SLX4IP: variants seen among roughly 807,000 people sequenced by gnomAD.
The protein encoded by SLX4IP is protein SLX4IP.
SLX4IP carries 34 observed loss-of-function variants against 32.9 expected under a neutral mutation model. That is an observed-to-expected ratio of 1.03 (90% CI 0.79 to 1.38). The LOEUF (loss-of-function observed/expected upper bound fraction) is 1.38, where lower values mean the gene tolerates loss of function less well. Ranked by LOEUF, SLX4IP falls within the 40% of genes most tolerant of loss-of-function variation. The pLI is 0.00. For synonymous variants in SLX4IP, 172 were observed against 171.7 expected, an observed-to-expected ratio of 1.00 and a Z score of -0.01; for missense variants, 444 against 479.0, an observed-to-expected ratio of 0.93 and a Z score of 0.68.
chr20:10,471,546 T>A (rs2122362790), intron 2 of SLX4IP, among the ~76,000 whole-genome samples: 1 of 152,292 alleles, frequency 6.6e-6, no homozygotes, highest in East Asian at 1.9e-4. Context: ...TATTTGTTAA[T>A]CAGTTTATAC....
chr20:10,578,696 C>T (rs2066549148), intron 4 of SLX4IP, among the ~76,000 whole-genome samples: 4 of 152,194 alleles, frequency 2.6e-5, no homozygotes, highest in South Asian at 2.1e-4. Context: ...CTGTTCCTGC[C>T]AGCAGTGTAT....
At chr20:10,621,472 A>G (rs768132491) in intron 7 of SLX4IP, 58 bp downstream of exon 7, 1 of 1,469,768 alleles carries the variant, frequency 6.8e-7, no homozygotes, top group Non-Finnish European at 9.5e-7. Flanking sequence ...ATGGATAGAT[A>G]ACATGAAGTC....
intron 2 of SLX4IP, among the ~76,000 whole-genome samples, chr20:10,499,137 T>A (rs599495): frequency 0.42 from 63,388 of 151,942 alleles, 13,609 homozygotes; most frequent in Admixed American, 0.51. Context: ...ATGACAAAAA[T>A]TATGGGTCTA....
At chr20:10,475,062 T>C (rs1363563673) in intron 2 of SLX4IP, among the ~76,000 whole-genome samples, 1 of 152,216 alleles carries the variant, frequency 6.6e-6, no homozygotes, top group Non-Finnish European at 1.5e-5. Context: ...GGGAATATTA[T>C]CTGCCAAGGC....
chr20:10,576,401 G>T (rs1601022881), intron 4 of SLX4IP, among the ~76,000 whole-genome samples: 1 of 152,242 alleles, frequency 6.6e-6, no homozygotes, highest in East Asian at 1.9e-4. Flanking sequence ...ACACCTAATT[G>T]TATAGCTTGT....
chr20:10,486,572 A>G (rs1416487334), intron 2 of SLX4IP, among the ~76,000 whole-genome samples: 3 of 152,194 alleles, frequency 2.0e-5, no homozygotes, highest in African/African-American at 7.2e-5. Flanking sequence ...TACGCATGTG[A>G]ACATGCGTAT....
intron 6 of SLX4IP, chr20:10,614,132 G>A (rs942773438): frequency 2.6e-5 from 34 of 1,317,074 alleles, no homozygotes; most frequent in Non-Finnish European, 3.4e-5. Flanking sequence ...GTCGGACCTC[G>A]CCATCGGAGG....
intron 6 of SLX4IP, among the ~76,000 whole-genome samples, chr20:10,606,094 A>G (rs754164601): frequency 2.2e-4 from 33 of 152,156 alleles, no homozygotes; most frequent in South Asian, 2.1e-4. Flanking sequence ...TGGGATTTCT[A>G]TTGGAGGAAG....
chr20:10,624,962 AC>A lies in SLX4IP; in HGVS notation c.*1588del. On this transcript the variant is annotated 3_prime_UTR_variant, in exon 8 of 8. Transcript: ENST00000334534. ...CCTGTCCCATGATCCCAGCCTCACC[AC>A]CCCCACTTGAAACAGCCCTTCCTAC... 6.6e-6 allele frequency: 1 copy of A among 151,770 alleles called. No homozygotes were observed. The highest frequency in any genetic ancestry group is 1.5e-5 in the Non-Finnish European group (1 of 68,056). The allele number at this position is 151,770 out of a possible 1,614,324, so 9.4% of individuals were successfully genotyped here. A position where few individuals can be genotyped will look rare whatever the true frequency, so the allele number is the denominator to read the frequency against.
chr20:10,443,010 A>G (rs1425657209), intron 1 of SLX4IP, among the ~76,000 whole-genome samples: 2 of 152,192 alleles, frequency 1.3e-5, no homozygotes, highest in East Asian at 1.9e-4. Flanking sequence ...TCTGTTGCCC[A>G]TTATTTTCAA....
chr20:10,537,944 G>A (rs2066063197), intron 2 of SLX4IP, among the ~76,000 whole-genome samples: 1 of 152,092 alleles, frequency 6.6e-6, no homozygotes, highest in Admixed American at 6.5e-5. Flanking sequence ...TTTAGGCCCT[G>A]TTAAAAGCTA....
intron 3 of SLX4IP, among the ~76,000 whole-genome samples, chr20:10,559,085 A>T (rs767256882): frequency 6.6e-6 from 1 of 152,144 alleles, no homozygotes; most frequent in Non-Finnish European, 1.5e-5. Flanking sequence ...GCCCAGTCAT[A>T]GTTGAACTCT....
Position 10,471,985 on chromosome 20 carries a change from C to T in SLX4IP, c.27+13754C>T, listed in dbSNP as rs2131295. On this transcript the variant is annotated intron_variant, in intron 2 of 7. Coordinates refer to ENST00000334534, the MANE Select transcript of SLX4IP (RefSeq NM_001009608.3). ...TCCTAAGGGCTACCTCTGGAACTGG[C>T]ACACTATTATTTCCACTGTATTCTA... Among the ~76,000 whole-genome samples, 983 of 152,196 alleles carry T rather than the reference C, an allele frequency of 6.5e-3. 11 individuals are homozygous for T. The highest frequency in any genetic ancestry group is 0.022 in the African/African-American group (925 of 41,520).
intron 3 of SLX4IP, among the ~76,000 whole-genome samples, chr20:10,557,102 G>A (rs879884657): frequency 2.6e-5 from 4 of 152,102 alleles, no homozygotes; most frequent in Admixed American, 6.5e-5. Context: ...ATCATTATCC[G>A]TGATGTCCAT....
At chr20:10,592,109 C>T (rs1213430225) in intron 4 of SLX4IP, among the ~76,000 whole-genome samples, 1 of 152,174 alleles carries the variant, frequency 6.6e-6, no homozygotes. Context: ...TTTATTGTGA[C>T]TCAGAGTCTA....
At chr20:10,513,378 T>C (rs2065826392) in intron 2 of SLX4IP, among the ~76,000 whole-genome samples, 1 of 152,134 alleles carries the variant, frequency 6.6e-6, no homozygotes, top group Admixed American at 6.6e-5. Flanking sequence ...AGCTGGGAGA[T>C]TGAACAGGTG....
intron 2 of SLX4IP, among the ~76,000 whole-genome samples, chr20:10,527,179 A>C (rs675772): frequency 6.6e-6 from 1 of 152,050 alleles, no homozygotes; most frequent in African/African-American, 2.4e-5. Flanking sequence ...CGCTGGCTCT[A>C]TAAAAGCTAT....
In SLX4IP at chr20:10,590,451, C is replaced by T. The variant is rs1050773300; in HGVS notation, c.239-8224C>T. 2.0e-5 allele frequency among the ~76,000 whole-genome samples: 3 copies of T among 152,034 alleles called. No homozygotes were observed. In the South Asian group the frequency reaches 6.2e-4, roughly 32 times the overall value. ...TCTCGGCTCACTGCAACCTCTGCCTCCCGGGTTCTAGCAATTCTCCTGCCT... is the reference window on the plus strand; with the variant it reads ...TCTCGGCTCACTGCAACCTCTGCCTTCCGGGTTCTAGCAATTCTCCTGCCT... On this transcript the variant is annotated intron_variant, in intron 4 of 7. Coordinates refer to ENST00000334534, the MANE Select transcript of SLX4IP (RefSeq NM_001009608.3).
At chr20:10,603,559 G>T in intron 6 of SLX4IP, among the ~76,000 whole-genome samples, 1 of 152,178 alleles carries the variant, frequency 6.6e-6, no homozygotes, top group Non-Finnish European at 1.5e-5. Flanking sequence ...TCCATCATGA[G>T]GCTCGTTCCT....
Sources: gnomAD v4.1 joint callset for allele counts (sites outside exome capture counted in the v4.1 genomes callset) on GRCh38, gnomAD v4.1.1 for gene constraint, MANE v1.5 for transcripts, NCBI Gene and HGNC (gene_info 2026-07-23, HGNC 2026-07-21) for gene names.